NTMT2: variants seen among roughly 807,000 people sequenced by gnomAD.
NTMT2 encodes the protein X-Pro-Lys N-terminal protein methyltransferase 1B.
Under a neutral mutation model 23.4 loss-of-function variants are expected in NTMT2, and 21 were observed. That is an observed-to-expected ratio of 0.90 (90% CI 0.64 to 1.29). The LOEUF (loss-of-function observed/expected upper bound fraction) is 1.29. Among genes scored for constraint, NTMT2 ranks in the 50% most tolerant of loss-of-function variants. The pLI, the probability that NTMT2 is intolerant of heterozygous loss-of-function variation, is 0.00. For missense variants in NTMT2, 336 were observed against 352.0 expected, an observed-to-expected ratio of 0.95 and a Z score of 0.36; for synonymous variants, 131 against 127.7, an observed-to-expected ratio of 1.03 and a Z score of -0.17.
At chr1:170,166,373 C>T (rs977618522) in intron 2 of NTMT2, 129 bp from the exon 3 acceptor site, 2 of 874,996 alleles carry the variant, frequency 2.3e-6, no homozygotes, top group Admixed American at 2.4e-5. Context: ...GATCTCTTGA[C>T]CTCGTGATCC....
intron 2 of NTMT2, among the ~76,000 whole-genome samples, chr1:170,166,125 C>CTT (rs1420113193): frequency 1.2e-3 from 130 of 112,466 alleles, no homozygotes; most frequent in Middle Eastern, 5.7e-3. Flanking sequence ...AATTTTCTTT[C>CTT]TTTTTTTTTT....
chr1:170,155,780 C>G (rs1380680822), intron 1 of NTMT2, among the ~76,000 whole-genome samples: 1 of 152,054 alleles, frequency 6.6e-6, no homozygotes, highest in Non-Finnish European at 1.5e-5. Context: ...TCCTGTTTGT[C>G]AGAAAGTCTT....
In NTMT2 at chr1:170,146,255, C is replaced by T. The variant is rs933284254; in HGVS notation, c.148C>T (p.Pro50Ser). The T allele has an allele frequency of 3.2e-6, 5 of 1,549,396 alleles. No individual in the cohort carries two copies. Among genetic ancestry groups the T allele is most frequent in the East Asian group, 4.9e-5 (2 of 40,840 alleles). ...CTATCTCTACCTGCTGGAAAAAATT[C>T]CCCTGGGTAAGTGAGTCAGAGCTAC... is the stretch of plus-strand genomic sequence containing the variant. ...QSYLYLLEKIPLVKLYALTSQ... is the reference protein window; with the variant it reads ...QSYLYLLEKISLVKLYALTSQ... The change falls in exon 1 of 4, where the codon CCC becomes TCC. Residue 50 changes from proline to serine, a missense_variant. Pro to Ser is a moderately conservative substitution (Grantham distance 74). Coordinates refer to ENST00000439373, the MANE Select transcript of NTMT2 (RefSeq NM_001136107.2).
chr1:170,161,731 T>A (rs932455405), intron 2 of NTMT2: 4 of 152,222 alleles, frequency 2.6e-5, no homozygotes, highest in African/African-American at 9.6e-5. Context: ...TTACTACTAC[T>A]AACAGGCTTT....
intron 1 of NTMT2, among the ~76,000 whole-genome samples, chr1:170,153,477 C>T (rs1673108799): frequency 6.6e-6 from 1 of 152,168 alleles, no homozygotes; most frequent in South Asian, 2.1e-4. Context: ...ACAGTGAGGC[C>T]AGAATGCTGA....
chr1:170,157,886 C>A (rs1673194718), intron 1 of NTMT2: 1 of 151,954 alleles, frequency 6.6e-6, no homozygotes. Context: ...TACTCTATTG[C>A]CTTGGATCTA....
In NTMT2 at chr1:170,151,837, T is replaced by A. The variant is rs1673073427; in HGVS notation, c.154+5576T>A. 2.6e-5 allele frequency among the ~76,000 whole-genome samples: 4 copies of A among 152,152 alleles called. No homozygotes were observed. In the South Asian group the frequency reaches 8.3e-4, roughly 31 times the overall value. ...CTTAATGCCTTGGTTTCTTCTTCTGTAGAATGGATATATAATGTTTATCTC... is the reference window on the plus strand; with the variant it reads ...CTTAATGCCTTGGTTTCTTCTTCTGAAGAATGGATATATAATGTTTATCTC... On this transcript the variant is annotated intron_variant, in intron 1 of 3. Transcript: ENST00000439373.
At chr1:170,162,811 T>C (rs995939205) in intron 2 of NTMT2, among the ~76,000 whole-genome samples, 1 of 152,222 alleles carries the variant, frequency 6.6e-6, no homozygotes, top group Admixed American at 6.5e-5. Context: ...CTCTTAACCA[T>C]GACATATTTT....
At chr1:170,160,493 C>T (rs775927304) in intron 1 of NTMT2, 25 bp from the exon 2 acceptor site, 5 of 1,454,788 alleles carry the variant, frequency 3.4e-6, no homozygotes, top group Non-Finnish European at 3.7e-6. Context: ...AATATTAATA[C>T]CTATTAATAA....
In NTMT2 at chr1:170,146,194, C is replaced by A. The variant is rs778956755; in HGVS notation, c.87C>A (p.Ile29=). The change falls in exon 1 of 4, where the codon ATC becomes ATA. Residue 29 remains isoleucine, a synonymous_variant. Transcript: ENST00000439373. ...DELCRHSMSF[I]LHKAIRNDFF... ...TCTGTAGACATAGCATGTCTTTTAT[C>A]CTTCACAAAGCCATTCGCAATGACT... 4 of 1,551,188 alleles carry A rather than the reference C, an allele frequency of 2.6e-6. No homozygotes were observed. Among genetic ancestry groups the A allele is most frequent in the African/African-American group, 1.4e-5 (1 of 72,880 alleles).
intron 1 of NTMT2, among the ~76,000 whole-genome samples, chr1:170,150,416 A>G (rs1397893910): frequency 1.3e-5 from 2 of 152,174 alleles, no homozygotes; most frequent in African/African-American, 4.8e-5. Flanking sequence ...ATCTCAGTTC[A>G]TTTTTATAAC....
intron 1 of NTMT2, among the ~76,000 whole-genome samples, chr1:170,147,145 G>A (rs1340041898): frequency 6.6e-6 from 1 of 152,144 alleles, no homozygotes; most frequent in Non-Finnish European, 1.5e-5. Context: ...ATAATTCTTT[G>A]TATTGCATTC....
intron 1 of NTMT2, among the ~76,000 whole-genome samples, chr1:170,157,207 T>C (rs1673180795): frequency 6.6e-6 from 1 of 152,298 alleles, no homozygotes; most frequent in East Asian, 1.9e-4. Context: ...TGTTGATCCA[T>C]GGTTCTCAAT....
rs779802357 is a variant in NTMT2 at position 170,167,568 on chromosome 1, G to A, written c.663G>A (p.Lys221=). ...AAGAAAATGGCATCATCATATTGAA[G>A]GACAATGTGGCCCGGGAGGGCTGTA... ...GLKENGIIIL[K]DNVAREGCIL... is the part of the protein sequence containing the mutation. Residue 221 remains lysine (K), a synonymous_variant, in exon 4 of 4, where the codon AAG becomes AAA. Coordinates refer to ENST00000439373, the MANE Select transcript of NTMT2 (RefSeq NM_001136107.2). The A allele has an allele frequency of 6.4e-7, 1 of 1,551,692 alleles. No homozygotes were observed. Among genetic ancestry groups the A allele is most frequent in the South Asian group, 1.2e-5 (1 of 84,066 alleles).
rs7544833 is a variant in NTMT2, at chr1:170,162,959, C to T, written c.330+2266C>T. Reference sequence around the variant, plus strand: ...GCTGAAAGCAATCCCTCCTGCTTGCCTCGTGGTGAGGCCGACTTTGATCCC... The same window carrying T: ...GCTGAAAGCAATCCCTCCTGCTTGCTTCGTGGTGAGGCCGACTTTGATCCC... On this transcript the variant is annotated intron_variant, in intron 2 of 3. Coordinates refer to ENST00000439373, the MANE Select transcript of NTMT2 (RefSeq NM_001136107.2). Among the ~76,000 whole-genome samples, 1,084 of 152,056 alleles carry T rather than the reference C, an allele frequency of 7.1e-3. 11 individuals are homozygous for T. The highest frequency in any genetic ancestry group is 0.025 in the African/African-American group (1,044 of 41,462).
chr1:170,166,297 G>A (rs1341255154), intron 2 of NTMT2, among the ~76,000 whole-genome samples: 1 of 80,886 alleles, frequency 1.2e-5, no homozygotes, highest in Admixed American at 1.2e-4. Context: ...CCACCATCAC[G>A]CCCGGCTAAT....
chr1:170,166,681 C>CA lies in NTMT2; in HGVS notation c.510_511insA (p.Cys171MetfsTer15). ...AAGGTGACAAAGTAGAAAGCTACCA[C>CA]TGCTACAGCCTGCAGGAATTCACAC... is the stretch of plus-strand genomic sequence containing the variant. On this transcript the variant is annotated frameshift_variant, in exon 3 of 4. Transcript: ENST00000439373. LOFTEE classifies it high-confidence loss of function. The CA allele has an allele frequency of 6.4e-7, 1 of 1,552,300 alleles. No homozygotes were observed. Among genetic ancestry groups the CA allele is most frequent in the Non-Finnish European group, 8.7e-7 (1 of 1,147,102 alleles).
intron 1 of NTMT2, among the ~76,000 whole-genome samples, chr1:170,157,330 T>C (rs1313889715): frequency 6.6e-6 from 1 of 152,158 alleles, no homozygotes; most frequent in Non-Finnish European, 1.5e-5. Flanking sequence ...TTTAAAAGAT[T>C]TATATTTTTA....
intron 1 of NTMT2, among the ~76,000 whole-genome samples, chr1:170,150,079 T>C (rs1673038581): frequency 1.3e-5 from 2 of 152,326 alleles, no homozygotes; most frequent in South Asian, 4.1e-4. Flanking sequence ...ACTTCTCCTG[T>C]AGGGTCTGCA....
Sources: allele counts gnomAD v4.1 joint callset (sites outside exome capture counted in the v4.1 genomes callset), GRCh38; gene constraint gnomAD v4.1.1; transcripts MANE v1.5; gene names NCBI Gene and HGNC (gene_info 2026-07-23, HGNC 2026-07-21).